The following AHI1 variants were observed in gnomAD, a reference collection of about 807,000 sequenced individuals.
AHI1 encodes jouberin.
AHI1 carries 123 observed loss-of-function variants against 149.3 expected under a neutral mutation model. The ratio of observed to expected loss-of-function variants is 0.82; its 90% CI spans 0.71 to 0.96. AHI1 has a LOEUF of 0.96. Ranked by LOEUF, AHI1 falls within the 40% of genes least tolerant of loss-of-function variation. AHI1 has a pLI of 0.00. For synonymous variants in AHI1, 475 were observed against 459.8 expected (o/e 1.03, Z -0.42); for missense variants, 1,439 against 1,422.7 (o/e 1.01, Z -0.18).
At chr6:135,324,713 G>A (rs896573821) in intron 24 of AHI1, among the ~76,000 whole-genome samples, 15 of 152,022 alleles carry the variant, frequency 9.9e-5, no homozygotes, top group East Asian at 3.9e-4. Flanking sequence ...GAGTAAGCAG[G>A]GCTCAGATCA....
rs543318645 is a variant in AHI1, at chr6:135,422,583, T to TA, written c.2764+4583dup. Among the ~76,000 whole-genome samples the TA allele has an allele frequency of 2.5e-4, 38 of 152,168 alleles. No homozygotes were observed. In the East Asian group the frequency reaches 5.8e-3, roughly 23 times the overall value. ...CTATATTGAGAACATAATGGCTTAT[T>TA]ACATCATAATTATGTTACTCCTCAA... On this transcript the variant is annotated intron_variant, in intron 20 of 28. Coordinates refer to ENST00000265602, the MANE Select transcript of AHI1 (RefSeq NM_001134831.2).
chr6:135,489,284 T>A (rs1289808523), intron 5 of AHI1, among the ~76,000 whole-genome samples: 1 of 152,142 alleles, frequency 6.6e-6, no homozygotes, highest in Non-Finnish European at 1.5e-5. Flanking sequence ...ACCTCACACT[T>A]ATGTGCCCCT....
chr6:135,364,864 C>T (rs1458601243), intron 23 of AHI1, among the ~76,000 whole-genome samples: 1 of 151,932 alleles, frequency 6.6e-6, no homozygotes, highest in Non-Finnish European at 1.5e-5. Context: ...TTCGGCTTGG[C>T]ATCAGAGGGA....
intron 26 of AHI1, chr6:135,302,260 A>G: frequency 2.0e-6 from 2 of 985,520 alleles, no homozygotes; most frequent in Non-Finnish European, 2.4e-6. Context: ...AACTTTTCAA[A>G]AAACTCAACA....
intron 5 of AHI1, among the ~76,000 whole-genome samples, chr6:135,483,148 T>C (rs142164809): frequency 1.3e-5 from 2 of 151,778 alleles, no homozygotes; most frequent in African/African-American, 2.4e-5. Context: ...TCAGCCCACC[T>C]TGGCCTCCCA....
intron 19 of AHI1, among the ~76,000 whole-genome samples, chr6:135,427,872 C>A (rs1019181674): frequency 3.3e-5 from 5 of 151,292 alleles, no homozygotes; most frequent in African/African-American, 9.7e-5. Flanking sequence ...AATCTAGATT[C>A]ATTTATTGAA....
At chr6:135,360,188 T>A (rs1178860924) in intron 23 of AHI1, among the ~76,000 whole-genome samples, 1 of 152,230 alleles carries the variant, frequency 6.6e-6, no homozygotes, top group African/African-American at 2.4e-5. Context: ...TATTAATGTA[T>A]AACAATAATT....
chr6:135,333,856 A>G (rs2614277), intron 24 of AHI1, among the ~76,000 whole-genome samples: 70,577 of 152,040 alleles, frequency 0.46, 17,990 homozygotes, highest in Middle Eastern at 0.62. Flanking sequence ...AAATTTTACC[A>G]AACTAAGTAC....
chr6:135,434,866 C>T (rs1172852744), intron 15 of AHI1, among the ~76,000 whole-genome samples: 1 of 151,954 alleles, frequency 6.6e-6, no homozygotes, highest in African/African-American at 2.4e-5. Flanking sequence ...TGTGTGGGAG[C>T]CATTACATAT....
At chr6:135,478,204 T>A (rs963608528) in intron 5 of AHI1, among the ~76,000 whole-genome samples, 4 of 152,204 alleles carry the variant, frequency 2.6e-5, no homozygotes, top group African/African-American at 7.2e-5. Context: ...GAAGTGACTT[T>A]GGAACTGGGT....
intron 20 of AHI1, among the ~76,000 whole-genome samples, chr6:135,426,766 A>C (rs1054432785): frequency 6.6e-6 from 1 of 151,668 alleles, no homozygotes; most frequent in African/African-American, 2.4e-5. Context: ...GAAAGACATT[A>C]GATTTCTAAT....
chr6:135,353,819 A>C (rs961524571), intron 24 of AHI1, among the ~76,000 whole-genome samples: 2 of 152,136 alleles, frequency 1.3e-5, no homozygotes, highest in African/African-American at 2.4e-5. Flanking sequence ...AACGCATATT[A>C]AAGTTTACTA....
intron 22 of AHI1, among the ~76,000 whole-genome samples, chr6:135,403,808 C>T (rs191014119): frequency 6.6e-6 from 1 of 152,186 alleles, no homozygotes; most frequent in African/African-American, 2.4e-5. Context: ...CCCTCGTCTT[C>T]CTTCCCCTTG....
At chr6:135,471,228 T>C (rs1791640177) in intron 5 of AHI1, among the ~76,000 whole-genome samples, 1 of 152,202 alleles carries the variant, frequency 6.6e-6, no homozygotes, top group South Asian at 2.1e-4. Context: ...GGCTGTTTTT[T>C]GTTTATTTAC....
intron 7 of AHI1, among the ~76,000 whole-genome samples, chr6:135,464,321 G>A (rs1392957512): frequency 5.9e-5 from 9 of 152,060 alleles, no homozygotes; most frequent in Admixed American, 1.3e-4. Context: ...CCACTGTCAC[G>A]TGTTATTAAA....
chr6:135,446,303 T>C (rs1787200653), intron 13 of AHI1, among the ~76,000 whole-genome samples: 1 of 152,056 alleles, frequency 6.6e-6, no homozygotes, highest in African/African-American at 2.4e-5. Context: ...CCTAATCCAA[T>C]AGGGGGAGAG....
intron 5 of AHI1, among the ~76,000 whole-genome samples, chr6:135,483,168 G>A (rs1208035699): frequency 6.6e-6 from 1 of 151,674 alleles, no homozygotes; most frequent in Non-Finnish European, 1.5e-5. Context: ...AAAGTGCTGG[G>A]ATTACAGGTG....
intron 27 of AHI1, 58 bp from the exon 28 acceptor site, chr6:135,290,583 T>A: frequency 6.3e-7 from 1 of 1,581,870 alleles, no homozygotes; most frequent in Non-Finnish European, 8.7e-7. Context: ...AGCTAAAAGC[T>A]CAGATGAGGC....
intron 20 of AHI1, among the ~76,000 whole-genome samples, chr6:135,424,401 T>C (rs1783653421): frequency 6.6e-6 from 1 of 152,154 alleles, no homozygotes; most frequent in African/African-American, 2.4e-5. Flanking sequence ...TATTGATTAA[T>C]AACAACACAT....
Sources: allele counts gnomAD v4.1 joint callset (sites outside exome capture counted in the v4.1 genomes callset), GRCh38; gene constraint gnomAD v4.1.1; transcripts MANE v1.5; gene names NCBI Gene and HGNC (gene_info 2026-07-23, HGNC 2026-07-21).